NELFA: variants seen among roughly 807,000 people sequenced by gnomAD.
NELFA encodes the protein negative elongation factor A.
NELFA carries 35 observed loss-of-function variants against 51.8 expected under a neutral mutation model. The observed-to-expected ratio is 0.68, with a 90% confidence interval of 0.52 to 0.90. NELFA has a LOEUF of 0.90. NELFA is among the 40% of genes least tolerant of loss of function. The pLI is 0.00. For missense variants in NELFA, 658 were observed against 746.4 expected (o/e 0.88, Z 1.38); for synonymous variants, 417 against 338.4 (o/e 1.23, Z -2.55).
At position 2,008,741 on chromosome 4, in the gene NELFA, C is replaced by T; in HGVS notation, c.210+9G>A. On this transcript the variant is annotated intron_variant, in intron 1 of 10. Transcript: ENST00000382882. The stretch of plus-strand genomic sequence containing the variant: ...ATCTGGGGGCCGCGGGGCGCCACGC[C>T]TGCCTTACCTCGTCCACCGTGCGGC... 1 of 1,598,768 alleles carries T rather than the reference C, an allele frequency of 6.3e-7. No individual in the cohort carries two copies. The highest frequency in any genetic ancestry group is 1.3e-5 in the African/African-American group (1 of 74,846).
chr4:1,989,334 A>G lies in NELFA; in HGVS notation c.544+374T>C, dbSNP rs1728206343. ...AACAAAAAACTTTATGCAGAACTTTATCTTCTTTTTCTTGAGACAGGGTCT... is the reference window on the plus strand; with the variant it reads ...AACAAAAAACTTTATGCAGAACTTTGTCTTCTTTTTCTTGAGACAGGGTCT... On this transcript the variant is annotated intron_variant, in intron 3 of 10. Coordinates refer to ENST00000382882, the MANE Select transcript of NELFA (RefSeq NM_005663.5). The surrounding 1 kb of genome is among the most constrained non-coding windows in gnomAD (Gnocchi z 4.8). 6.6e-6 allele frequency among the ~76,000 whole-genome samples: 1 copy of G among 152,030 alleles called. No homozygotes were observed. The highest frequency in any genetic ancestry group is 6.6e-5 in the Admixed American group (1 of 15,264).
intron 1 of NELFA, among the ~76,000 whole-genome samples, chr4:2,002,052 T>G (rs1728582583): frequency 6.6e-6 from 1 of 151,224 alleles, no homozygotes; most frequent in South Asian, 2.1e-4. Flanking sequence ...TACAAAAAAT[T>G]AGCCAGGCAT....
At position 1,986,240 on chromosome 4, in the gene NELFA, G is replaced by T. The variant is rs376220630; in HGVS notation, c.765+32C>A. The T allele has an allele frequency of 5.1e-6, 8 of 1,567,526 alleles. No homozygotes were observed. In the South Asian group the frequency reaches 7.0e-5, roughly 14 times the overall value. On this transcript the variant is annotated intron_variant, in intron 5 of 10. Coordinates refer to ENST00000382882, the MANE Select transcript of NELFA (RefSeq NM_005663.5). ...ACGGCACCAGGGCGCAACGGGCCCC[G>T]GGGTGCCACAGGAGCTGGGGGACGG...
Position 1,983,103 on chromosome 4 carries a change from T to C in NELFA, c.*216A>G. On this transcript the variant is annotated 3_prime_UTR_variant, in exon 11 of 11. Coordinates refer to ENST00000382882, the MANE Select transcript of NELFA (RefSeq NM_005663.5). ...GTAACGTTGAGTCCAAAAAGTGTCTTAAATCACACAAAAAAGAACCCATAT... is the reference window on the plus strand; with the variant it reads ...GTAACGTTGAGTCCAAAAAGTGTCTCAAATCACACAAAAAAGAACCCATAT... 1 of 467,464 alleles carries C rather than the reference T, an allele frequency of 2.1e-6. No individual in the cohort carries two copies. Among genetic ancestry groups the C allele is most frequent in the Non-Finnish European group, 3.7e-6 (1 of 267,296 alleles). The allele number at this position is 467,464 out of a possible 1,614,324, so 29.0% of individuals were successfully genotyped here. A position where few individuals can be genotyped will look rare whatever the true frequency, so the allele number is the denominator to read the frequency against.
Position 2,007,211 on chromosome 4 carries a change from A to AAAACAC in NELFA, c.210+1533_210+1538dup, listed in dbSNP as rs748102234. The AAAACAC allele has an allele frequency of 4.9e-5, 17 of 349,092 alleles. No individual in the cohort carries two copies. In the East Asian group the frequency reaches 1.5e-3, roughly 31 times the overall value. The allele number at this position is 349,092 out of a possible 1,614,324, so 21.6% of individuals were successfully genotyped here. On this transcript the variant is annotated intron_variant, in intron 1 of 10. Transcript: ENST00000382882. ...GACAGCGCCAGACCCTGTCTCAAAC[A>AAAACAC]AAACACAAACACAAAAACAAAACAC...
rs375924438 is a variant in NELFA, at chr4:1,991,731, C to G, written c.211-16G>C. ...CGCCCTTCATCTGCAAAATAGGATG[C>G]TGCCGGCGCCACCATGCCCCTGCCC... On this transcript the variant is annotated splice_polypyrimidine_tract_variant and intron_variant, in intron 1 of 10. Transcript: ENST00000382882. 7 of 1,571,912 alleles carry G rather than the reference C, an allele frequency of 4.5e-6. No individual in the cohort carries two copies. In the African/African-American group the frequency reaches 9.5e-5, roughly 21 times the overall value.
chr4:1,983,825 G>A (rs1256292656), intron 9 of NELFA, 23 bp downstream of exon 9: 1 of 1,570,050 alleles, frequency 6.4e-7, no homozygotes, highest in Admixed American at 1.8e-5. Flanking sequence ...GGTGGCCTGT[G>A]GGCCCTACCA....
At chr4:2,003,348 T>G (rs956600872) in intron 1 of NELFA, among the ~76,000 whole-genome samples, 1 of 152,154 alleles carries the variant, frequency 6.6e-6, no homozygotes, top group Non-Finnish European at 1.5e-5. Context: ...ACACCAGAAA[T>G]ACCATTTGAC....
intron 3 of NELFA, among the ~76,000 whole-genome samples, chr4:1,988,566 C>T (rs938914080): frequency 4.6e-5 from 7 of 152,212 alleles, no homozygotes; most frequent in African/African-American, 1.4e-4. Context: ...CGGAGCCTCC[C>T]GGACAGCGCT....
chr4:1,987,859 G>A, intron 4 of NELFA, 59 bp downstream of exon 4: 1 of 1,424,088 alleles, frequency 7.0e-7, no homozygotes. Flanking sequence ...GGGTCTCCAG[G>A]TGAAGCCCTT....
At chr4:1,988,060 C>A in intron 3 of NELFA, 53 bp from the exon 4 acceptor site, 1 of 1,488,960 alleles carries the variant, frequency 6.7e-7, no homozygotes, top group Non-Finnish European at 9.2e-7. Context: ...GAGCCCTTGG[C>A]CCTTGTAAAA....
intron 1 of NELFA, among the ~76,000 whole-genome samples, chr4:1,996,700 G>A (rs1318877448): frequency 6.6e-6 from 1 of 152,220 alleles, no homozygotes. Context: ...GGTCAACCAA[G>A]GCATGTGGAT....
At chr4:1,988,546 C>T (rs767691447) in intron 3 of NELFA, among the ~76,000 whole-genome samples, 6 of 152,220 alleles carry the variant, frequency 3.9e-5, no homozygotes, top group East Asian at 1.9e-4. Context: ...CCAGTGGGCC[C>T]GGGGCTGCAC....
rs1014003925 is a variant in NELFA, at chr4:1,984,672, C to T, written c.1036+136G>A. 3.9e-5 allele frequency: 25 copies of T among 646,012 alleles called. No individual in the cohort carries two copies. The Middle Eastern group carries it at 2.1e-3, about 55-fold the overall frequency. 40.0% of individuals were successfully genotyped at this position (646,012 alleles called of 1,614,324 possible). A position where few individuals can be genotyped will look rare whatever the true frequency, so the allele number is the denominator to read the frequency against. On this transcript the variant is annotated intron_variant, in intron 8 of 10. Transcript: ENST00000382882. ...AGCTGAACAGCGGGGCATCTGCCCCCAGCAGATTCTGGCTGAGGCAGAAGG... is the reference window on the plus strand; with the variant it reads ...AGCTGAACAGCGGGGCATCTGCCCCTAGCAGATTCTGGCTGAGGCAGAAGG...
Position 1,989,597 on chromosome 4 carries a change from T to TGC in NELFA, c.544+109_544+110dup. ...GCCTCCCAACAGGTGTGAGCCACCA[T>TGC]GCCTGGCCCAGAACGCCACCTTGAA... is the stretch of plus-strand genomic sequence containing the variant. On this transcript the variant is annotated intron_variant, in intron 3 of 10. Coordinates refer to ENST00000382882, the MANE Select transcript of NELFA (RefSeq NM_005663.5). The surrounding 1 kb of genome is among the most constrained non-coding windows in gnomAD (Gnocchi z 4.8). The TGC allele has an allele frequency of 8.1e-7, 1 of 1,228,574 alleles. No homozygotes were observed. The highest frequency in any genetic ancestry group is 2.4e-5 in the East Asian group (1 of 42,094). The allele number at this position is 1,228,574 out of a possible 1,614,324, so 76.1% of individuals were successfully genotyped here. A position where few individuals can be genotyped will look rare whatever the true frequency, so the allele number is the denominator to read the frequency against.
At chr4:2,000,530 C>A (rs1202362515) in intron 1 of NELFA, among the ~76,000 whole-genome samples, 1 of 152,150 alleles carries the variant, frequency 6.6e-6, no homozygotes, top group East Asian at 1.9e-4. Flanking sequence ...CACCTCTACA[C>A]AAATAAACTA....
chr4:1,991,452 A>G, intron 2 of NELFA, 92 bp downstream of exon 2: 1 of 1,337,700 alleles, frequency 7.5e-7, no homozygotes, highest in Non-Finnish European at 1.1e-6. Flanking sequence ...GAAAAACGTA[A>G]AGGTCTAAAA....
intron 1 of NELFA, among the ~76,000 whole-genome samples, chr4:1,998,294 G>C (rs887687860): frequency 6.6e-6 from 1 of 151,988 alleles, no homozygotes; most frequent in African/African-American, 2.4e-5. Context: ...CGGAGGATTG[G>C]ATGGACGAGC....
At chr4:1,985,030 G>C (rs911925056) in intron 7 of NELFA, 111 bp from the exon 8 acceptor site, 9 of 755,860 alleles carry the variant, frequency 1.2e-5, no homozygotes, top group East Asian at 8.9e-5. Flanking sequence ...CCCCGAGCTA[G>C]AGCAGGAAGG....
Sources: gnomAD v4.1 joint callset for allele counts (sites outside exome capture counted in the v4.1 genomes callset) on GRCh38, gnomAD v4.1.1 for gene constraint, Gnocchi (gnomAD v3.1) non-coding constraint, MANE v1.5 for transcripts, NCBI Gene and HGNC (gene_info 2026-07-23, HGNC 2026-07-21) for gene names.